CLEC7A: variants seen among roughly 807,000 people sequenced by gnomAD.
CLEC7A encodes C-type lectin domain containing 7A, also known as C-type lectin domain family 7 member A.
A neutral mutation model predicts 26.9 loss-of-function variants in CLEC7A; 25 were observed. The ratio of observed to expected loss-of-function variants is 0.93; its 90% CI spans 0.68 to 1.30. The LOEUF (loss-of-function observed/expected upper bound fraction) is 1.30, where lower values mean the gene tolerates loss of function less well. Among genes scored for constraint, CLEC7A ranks in the 50% most tolerant of loss-of-function variants. The pLI is 0.00. For synonymous variants in CLEC7A, 100 were observed against 99.5 expected (o/e 1.01, Z -0.03); for missense variants, 275 against 286.7 (o/e 0.96, Z 0.29).
chr12:10,121,521 C>G (rs1451380405), intron 5 of CLEC7A, among the ~76,000 whole-genome samples: 2 of 152,186 alleles, frequency 1.3e-5, no homozygotes, highest in African/African-American at 4.8e-5. Flanking sequence ...GTTCTCTGAT[C>G]ACAGTGGAAC....
At chr12:10,121,376 A>C (rs1343575027) in intron 5 of CLEC7A, among the ~76,000 whole-genome samples, 1 of 152,212 alleles carries the variant, frequency 6.6e-6, no homozygotes, top group Non-Finnish European at 1.5e-5. Flanking sequence ...GCCTGATAAC[A>C]CGGCTTCAAC....
chr12:10,129,893 C>G, intron 1 of CLEC7A, 87 bp downstream of exon 1: 2 of 748,202 alleles, frequency 2.7e-6, no homozygotes, highest in Non-Finnish European at 4.6e-6. Flanking sequence ...GCTGGGATTA[C>G]AGGTGTGAGC....
chr12:10,119,427 G>C (rs1948008885), intron 5 of CLEC7A, among the ~76,000 whole-genome samples: 1 of 152,084 alleles, frequency 6.6e-6, no homozygotes, highest in South Asian at 2.1e-4. Context: ...AAGTGTTTTG[G>C]GGGCATAGAC....
chr12:10,117,148 C>T lies in CLEC7A; in HGVS notation c.*1310G>A, dbSNP rs1234406278. 6.6e-6 allele frequency: 1 copy of T among 152,100 alleles called. No individual in the cohort carries two copies. The highest frequency in any genetic ancestry group is 1.5e-5 in the Non-Finnish European group (1 of 68,010). The allele number at this position is 152,100 out of a possible 1,614,324, so 9.4% of individuals were successfully genotyped here. A position where few individuals can be genotyped will look rare whatever the true frequency, so the allele number is the denominator to read the frequency against. On this transcript the variant is annotated 3_prime_UTR_variant, in exon 6 of 6. Coordinates refer to ENST00000304084, the MANE Select transcript of CLEC7A (RefSeq NM_197947.3). ...AGGTTGGTTACTTTTTTATATTCATCATCAGATTTTATGTATTTTTATGTA... is the reference window on the plus strand; with the variant it reads ...AGGTTGGTTACTTTTTTATATTCATTATCAGATTTTATGTATTTTTATGTA...
rs757620598 is a variant in CLEC7A, at chr12:10,126,694, TG to T, written c.216del (p.Asn73IlefsTer28). ...VVLGTMAIWR[S>X]NSGSNTLENG... The stretch of plus-strand genomic sequence containing the variant: ...TTCTCCAATGTGTTGCTTCCTGAAT[TG>T]GATCTCCAAATAGCTTCACATACCA... On this transcript the variant is annotated frameshift_variant, in exon 3 of 6. Transcript: ENST00000304084. LOFTEE classifies it high-confidence loss of function. The T allele has an allele frequency of 1.2e-5, 19 of 1,611,254 alleles. No homozygotes were observed. The highest frequency in any genetic ancestry group is 1.7e-5 in the Admixed American group (1 of 59,366).
In CLEC7A at chr12:10,118,453, T is replaced by A. The variant is rs1340940037; in HGVS notation, c.*5A>T. On this transcript the variant is annotated 3_prime_UTR_variant, in exon 6 of 6. Transcript: ENST00000304084. Reference sequence around the variant, plus strand: ...ATATTTCTCTCTCCTTCTCCACCCTTCCTCTTACATTGAAAACTTCTTCTC... The same window carrying A: ...ATATTTCTCTCTCCTTCTCCACCCTACCTCTTACATTGAAAACTTCTTCTC... 1.9e-6 allele frequency: 3 copies of A among 1,606,342 alleles called. No homozygotes were observed. The highest frequency in any genetic ancestry group is 3.3e-5 in the Admixed American group (2 of 59,840).
At chr12:10,121,419 A>C (rs142261982) in intron 5 of CLEC7A, among the ~76,000 whole-genome samples, 139 of 152,360 alleles carry the variant, frequency 9.1e-4, no homozygotes, top group African/African-American at 3.2e-3. Flanking sequence ...AACTGTAAGT[A>C]GAATCGCAGC....
Position 10,127,749 on chromosome 12 carries a change from A to G in CLEC7A, c.200T>C (p.Met67Thr), listed in dbSNP as rs1948342616. 4 of 1,578,738 alleles carry G rather than the reference A, an allele frequency of 2.5e-6. No individual in the cohort carries two copies. Among genetic ancestry groups the G allele is most frequent in the Non-Finnish European group, 3.5e-6 (4 of 1,157,446 alleles). ...ILVIAVVLGT[M>T]AIWRSNSGSN... ...AATCTCCTCCACCAAATACTCACCC[A>G]TGGTACCCAGGACCACAGCTATCAC... is the stretch of plus-strand genomic sequence containing the variant. Residue 67 changes from methionine to threonine, a missense_variant and splice_region_variant, in exon 2 of 6, where the codon ATG becomes ACG. By Grantham distance (81) the Met-to-Thr change is moderately conservative (BLOSUM62 -1). Coordinates refer to ENST00000304084, the MANE Select transcript of CLEC7A (RefSeq NM_197947.3).
At chr12:10,121,734 GGCAA>G (rs1367547874) in intron 5 of CLEC7A, among the ~76,000 whole-genome samples, 1 of 152,184 alleles carries the variant, frequency 6.6e-6, no homozygotes, top group Non-Finnish European at 1.5e-5. Context: ...AAATTCATGA[GGCAA>G]GCACCCAATA....
At position 10,118,329 on chromosome 12, in the gene CLEC7A, G is replaced by A. The variant is rs1947970777; in HGVS notation, c.*129C>T. 1 of 835,808 alleles carries A rather than the reference G, an allele frequency of 1.2e-6. No individual in the cohort carries two copies. Among genetic ancestry groups the A allele is most frequent in the Non-Finnish European group, 1.9e-6 (1 of 534,286 alleles). 51.8% of individuals were successfully genotyped at this position (835,808 alleles called of 1,614,324 possible). A position where few individuals can be genotyped will look rare whatever the true frequency, so the allele number is the denominator to read the frequency against. On this transcript the variant is annotated 3_prime_UTR_variant, in exon 6 of 6. Transcript: ENST00000304084. ...CCTCTCCCTTCAATTTCTTGGTTAAGATTACAGTTGGCCAAGCTCTCTAAA... is the reference window on the plus strand; with the variant it reads ...CCTCTCCCTTCAATTTCTTGGTTAAAATTACAGTTGGCCAAGCTCTCTAAA...
At chr12:10,129,598 A>G (rs942756836) in intron 1 of CLEC7A, among the ~76,000 whole-genome samples, 1 of 151,854 alleles carries the variant, frequency 6.6e-6, no homozygotes, top group African/African-American at 2.4e-5. Context: ...TTCTCCCCTT[A>G]TATCTTTTTG....
chr12:10,126,026 A>G (rs941989874), intron 3 of CLEC7A: 7 of 232,496 alleles, frequency 3.0e-5, no homozygotes, highest in Non-Finnish European at 4.2e-5. Flanking sequence ...TCAAGTGTGT[A>G]TAGAATTGTA....
rs933600857 is a variant in CLEC7A at position 10,125,324 on chromosome 12, G to C, written c.465C>G (p.Leu155=). 3.1e-6 allele frequency: 5 copies of C among 1,613,660 alleles called. No individual in the cohort carries two copies. Among genetic ancestry groups the C allele is most frequent in the Non-Finnish European group, 4.2e-6 (5 of 1,179,908 alleles). Residue 155 remains leucine, a synonymous_variant, in exon 4 of 6, where the codon CTC becomes CTG. Transcript: ENST00000304084. Reference sequence around the variant, plus strand: ...ATTCATTTGAGCTGTCTATCTTTAGGAGATTAGAGCCCAGTTGCCAGCATT... The same window carrying C: ...ATTCATTTGAGCTGTCTATCTTTAGCAGATTAGAGCCCAGTTGCCAGCATT... ...KRQCWQLGSN[L]LKIDSSNELG...
chr12:10,117,179 G>A lies in CLEC7A; in HGVS notation c.*1279C>T, dbSNP rs772161278. 12 of 151,962 alleles carry A rather than the reference G, an allele frequency of 7.9e-5. No homozygotes were observed. Among genetic ancestry groups the A allele is most frequent in the Non-Finnish European group, 1.6e-4 (11 of 67,978 alleles). 9.4% of individuals were successfully genotyped at this position (151,962 alleles called of 1,614,324 possible). A position where few individuals can be genotyped will look rare whatever the true frequency, so the allele number is the denominator to read the frequency against. The stretch of plus-strand genomic sequence containing the variant: ...ATTTTATGTATTTTTATGTATTTTT[G>A]TATTTAAAAAGCAGAAAACTTTCCT... On this transcript the variant is annotated 3_prime_UTR_variant, in exon 6 of 6. Coordinates refer to ENST00000304084, the MANE Select transcript of CLEC7A (RefSeq NM_197947.3).
chr12:10,118,352 A>T lies in CLEC7A; in HGVS notation c.*106T>A, dbSNP rs1947971832. The T allele has an allele frequency of 2.7e-6, 3 of 1,116,946 alleles. No individual in the cohort carries two copies. The South Asian group carries it at 4.2e-5, about 16-fold the overall frequency. The allele number at this position is 1,116,946 out of a possible 1,614,324, so 69.2% of individuals were successfully genotyped here. On this transcript the variant is annotated 3_prime_UTR_variant, in exon 6 of 6. Transcript: ENST00000304084. ...AAGATTACAGTTGGCCAAGCTCTCTAAACATTTTCTGCATTTATCTTGACC... is the reference window on the plus strand; with the variant it reads ...AAGATTACAGTTGGCCAAGCTCTCTTAACATTTTCTGCATTTATCTTGACC...
In CLEC7A at chr12:10,125,433, G is replaced by A. The variant is rs757594070; in HGVS notation, c.356C>T (p.Pro119Leu). ...AVKTTGVLSS[P>L]CPPNWIIYEK... ...ATATATAATCCAATTAGGAGGACAA[G>A]GGCTGGAAAGAACCCCTGGAAATAA... The change falls in exon 4 of 6, where the codon CCT becomes CTT. Residue 119 changes from proline (P) to leucine (L), a missense_variant. By Grantham distance (98) the Pro-to-Leu change is moderately conservative (BLOSUM62 -3). Transcript: ENST00000304084. 5 of 1,611,624 alleles carry A rather than the reference G, an allele frequency of 3.1e-6. No homozygotes were observed. The South Asian group carries it at 5.5e-5, about 18-fold the overall frequency.
chr12:10,128,239 CA>C (rs1948370222), intron 1 of CLEC7A, among the ~76,000 whole-genome samples: 60 of 143,740 alleles, frequency 4.2e-4, no homozygotes, highest in Non-Finnish European at 4.6e-4. Flanking sequence ...CACACACACA[CA>C]CACACACCAC....
rs369887315 is a variant in CLEC7A at position 10,117,517 on chromosome 12, C to G, written c.*941G>C. 8.3e-6 allele frequency: 1 copy of G among 120,880 alleles called. No individual in the cohort carries two copies. Among genetic ancestry groups the G allele is most frequent in the South Asian group, 2.5e-4 (1 of 4,044 alleles). 7.5% of individuals were successfully genotyped at this position (120,880 alleles called of 1,614,324 possible). ...TGCACTCCAGCCTGGGCAACAAGAGCGAAACTCTGTCTCAAAAAAAAAAAA... is the reference window on the plus strand; with the variant it reads ...TGCACTCCAGCCTGGGCAACAAGAGGGAAACTCTGTCTCAAAAAAAAAAAA... On this transcript the variant is annotated 3_prime_UTR_variant, in exon 6 of 6. Coordinates refer to ENST00000304084, the MANE Select transcript of CLEC7A (RefSeq NM_197947.3).
At chr12:10,129,411 T>C (rs778984836) in intron 1 of CLEC7A, among the ~76,000 whole-genome samples, 5 of 152,188 alleles carry the variant, frequency 3.3e-5, no homozygotes, top group African/African-American at 7.2e-5. Flanking sequence ...TCTATATCTA[T>C]AGAAAAGAGA....
Sources: allele counts gnomAD v4.1 joint callset (sites outside exome capture counted in the v4.1 genomes callset), GRCh38; gene constraint gnomAD v4.1.1; transcripts MANE v1.5; gene names NCBI Gene and HGNC (gene_info 2026-07-23, HGNC 2026-07-21).